DRC11: variants seen among roughly 807,000 people sequenced by gnomAD.
The protein encoded by DRC11 is IQ and AAA domain-containing protein 1.
the DRC11 span, among the ~76,000 whole-genome samples, chr2:236,417,971 T>A: frequency 1.3e-5 from 2 of 152,230 alleles, no homozygotes; most frequent in African/African-American, 4.8e-5. Context: ...CTTTATCCAG[T>A]CTATCATTGA....
chr2:236,498,333 C>T, the DRC11 span, among the ~76,000 whole-genome samples: 7 of 151,840 alleles, frequency 4.6e-5, no homozygotes, highest in African/African-American at 9.7e-5. Context: ...GGCATAGTGG[C>T]GCCCGCCTGT....
the DRC11 span, chr2:236,465,550 T>C: frequency 6.2e-7 from 1 of 1,614,024 alleles, no homozygotes; most frequent in African/African-American, 1.3e-5. The surrounding 1 kb of genome is among the most constrained non-coding windows in gnomAD (Gnocchi z 6.2). Flanking sequence ...AAGGTTCTCC[T>C]TGATATCCAC....
chr2:236,322,131 A>ATT, the DRC11 span, among the ~76,000 whole-genome samples: 2 of 152,104 alleles, frequency 1.3e-5, no homozygotes, highest in African/African-American at 4.8e-5. Context: ...TGTAAGAGAG[A>ATT]ATGCCTCTGA....
the DRC11 span, among the ~76,000 whole-genome samples, chr2:236,319,504 GTGTT>G: frequency 2.6e-5 from 4 of 152,134 alleles, no homozygotes; most frequent in African/African-American, 9.7e-5. This position sits in a 1 kb window ranked among gnomAD's most constrained non-coding sequence, Gnocchi z 6.7. Flanking sequence ...AAAACGTACT[GTGTT>G]TGTTTGCCAC....
the DRC11 span, chr2:236,377,178 C>G: frequency 1.2e-6 from 2 of 1,609,966 alleles, no homozygotes; most frequent in Non-Finnish European, 1.7e-6. The surrounding 1 kb of genome is among the most constrained non-coding windows in gnomAD (Gnocchi z 4.9). Flanking sequence ...TACAGAGACT[C>G]GATGGTCCTG....
chr2:236,338,985 G>A, the DRC11 span, among the ~76,000 whole-genome samples: 1 of 152,328 alleles, frequency 6.6e-6, no homozygotes, highest in East Asian at 1.9e-4. Flanking sequence ...GTGGGAGTCA[G>A]ATCTGACCAT....
chr2:236,380,129 A>T, the DRC11 span, among the ~76,000 whole-genome samples: 1 of 152,214 alleles, frequency 6.6e-6, no homozygotes, highest in Non-Finnish European at 1.5e-5. The surrounding 1 kb of genome is among the most constrained non-coding windows in gnomAD (Gnocchi z 4.9). Context: ...AGCTGGGCCC[A>T]TGAAGCTCTG....
chr2:236,408,525 G>C, the DRC11 span: 1 of 732,592 alleles, frequency 1.4e-6, no homozygotes, highest in East Asian at 2.5e-5. This position sits in a 1 kb window ranked among gnomAD's most constrained non-coding sequence, Gnocchi z 5.5. Flanking sequence ...TGTTCACCTG[G>C]ATCTCCATCA....
At chr2:236,355,018 A>T in the DRC11 span, among the ~76,000 whole-genome samples, 31 of 152,118 alleles carry the variant, frequency 2.0e-4, no homozygotes, top group African/African-American at 7.5e-4. Flanking sequence ...CTTTCTTTGC[A>T]GGTGCATGTG....
At chr2:236,325,356 T>C in the DRC11 span, among the ~76,000 whole-genome samples, 26 of 152,350 alleles carry the variant, frequency 1.7e-4, no homozygotes, top group East Asian at 4.8e-3. This position sits in a 1 kb window ranked among gnomAD's most constrained non-coding sequence, Gnocchi z 4.4. Flanking sequence ...ATATTACATG[T>C]TATTTATCGA....
the DRC11 span, among the ~76,000 whole-genome samples, chr2:236,350,277 T>C: frequency 1.3e-5 from 2 of 152,202 alleles, no homozygotes; most frequent in East Asian, 3.9e-4. The surrounding 1 kb of genome is among the most constrained non-coding windows in gnomAD (Gnocchi z 5.2). Flanking sequence ...AATTCCATGC[T>C]TCCTGAATTT....
the DRC11 span, among the ~76,000 whole-genome samples, chr2:236,366,978 T>TTG: frequency 6.8e-6 from 1 of 146,408 alleles, no homozygotes; most frequent in Admixed American, 6.8e-5. Flanking sequence ...CCCGGCTATT[T>TTG]TTTTTTTTTT....
chr2:236,378,585 G>T, the DRC11 span, among the ~76,000 whole-genome samples: 1 of 150,846 alleles, frequency 6.6e-6, no homozygotes, highest in Admixed American at 6.6e-5. Flanking sequence ...TGAGGCAGGA[G>T]AATCGCTTGA....
chr2:236,366,852 C>G, the DRC11 span, among the ~76,000 whole-genome samples: 1 of 141,052 alleles, frequency 7.1e-6, no homozygotes, highest in Admixed American at 7.6e-5. Context: ...CTCTTTCTTT[C>G]GATGGAGTTT....
chr2:236,322,463 G>C, the DRC11 span, among the ~76,000 whole-genome samples: 1 of 151,924 alleles, frequency 6.6e-6, no homozygotes, highest in Non-Finnish European at 1.5e-5. Context: ...AGCCAGGATG[G>C]TCTTGATCTC....
the DRC11 span, among the ~76,000 whole-genome samples, chr2:236,414,488 G>A: frequency 3.9e-5 from 6 of 151,994 alleles, no homozygotes; most frequent in African/African-American, 9.7e-5. Context: ...TATTTATTGC[G>A]CTTCTTTTTT....
At chr2:236,459,660 C>CGT in the DRC11 span, among the ~76,000 whole-genome samples, 1 of 101,508 alleles carries the variant, frequency 9.9e-6, no homozygotes, top group African/African-American at 3.3e-5. Flanking sequence ...TATGTATATA[C>CGT]ATACGTATAT....
the DRC11 span, among the ~76,000 whole-genome samples, chr2:236,355,749 C>CTCTGTGTGTG: frequency 4.6e-5 from 5 of 107,854 alleles, no homozygotes; most frequent in Admixed American, 1.6e-4. Context: ...CTCTCTCTCT[C>CTCTGTGTGTG]TGTGTGTGTG....
chr2:236,330,216 G>A, the DRC11 span, among the ~76,000 whole-genome samples: 40,038 of 151,994 alleles, frequency 0.26, 6,453 homozygotes, highest in African/African-American at 0.45. The surrounding 1 kb of genome is among the most constrained non-coding windows in gnomAD (Gnocchi z 5.5). Context: ...TTGCCAGAGC[G>A]GGGGTCAGCA....
Sources: gnomAD v4.1 joint callset for allele counts (sites outside exome capture counted in the v4.1 genomes callset) on GRCh38, gnomAD v4.1.1 for gene constraint, Gnocchi (gnomAD v3.1) non-coding constraint, MANE v1.5 for transcripts, NCBI Gene and HGNC (gene_info 2026-07-23, HGNC 2026-07-21) for gene names.